Variants in STK3 observed in about 807,000 individuals in gnomAD.
The protein encoded by STK3 is serine/threonine kinase 3.
Under a neutral mutation model 58.0 loss-of-function variants are expected in STK3, and 41 were observed. The ratio of observed to expected loss-of-function variants is 0.71; its 90% CI spans 0.55 to 0.92. STK3 has a LOEUF of 0.92. Among genes scored for constraint, STK3 ranks in the 40% least tolerant of loss-of-function variants. The probability of loss-of-function intolerance (pLI) is 0.00; values close to 1 mark genes in which losing one functional copy is unlikely to be tolerated. For missense variants in STK3, 479 were observed against 602.7 expected (o/e 0.79, Z 2.15); for synonymous variants, 170 against 191.0 (o/e 0.89, Z 0.91).
chr8:98,360,121 C>T, the STK3 span, among the ~76,000 whole-genome samples: 1 of 152,222 alleles, frequency 6.6e-6, no homozygotes, highest in Non-Finnish European at 1.5e-5. Context: ...ATGGTTTTTA[C>T]TTACCTTCGG....
chr8:98,718,868 T>C (rs535790669), intron 4 of STK3, among the ~76,000 whole-genome samples: 10 of 152,282 alleles, frequency 6.6e-5, no homozygotes, highest in African/African-American at 2.4e-4. Context: ...TAAAATTACA[T>C]GTGGCTTGTG....
intron 4 of STK3, among the ~76,000 whole-genome samples, chr8:98,748,689 T>C (rs1278167948): frequency 1.3e-5 from 2 of 152,158 alleles, no homozygotes; most frequent in East Asian, 1.9e-4. Flanking sequence ...GTAAACAATT[T>C]TGTAAATAGC....
intron 1 of STK3, among the ~76,000 whole-genome samples, chr8:98,778,010 A>G (rs1456681190): frequency 6.6e-6 from 1 of 152,354 alleles, no homozygotes; most frequent in South Asian, 2.1e-4. Context: ...AATGGCAACG[A>G]AAGCCAAAAT....
At chr8:98,521,605 T>G (rs1825366737) in intron 10 of STK3, among the ~76,000 whole-genome samples, 1 of 152,152 alleles carries the variant, frequency 6.6e-6, no homozygotes, top group Non-Finnish European at 1.5e-5. Context: ...CCACTGTCTA[T>G]TAAATAAATA....
At chr8:98,792,898 G>GTA (rs1045041669) in intron 1 of STK3, among the ~76,000 whole-genome samples, 5 of 140,306 alleles carry the variant, frequency 3.6e-5, no homozygotes, top group Non-Finnish European at 7.7e-5. Context: ...GAGACTGTAT[G>GTA]TGTGTGTGTG....
downstream of STK3, among the ~76,000 whole-genome samples, chr8:98,370,327 C>A (rs1352838547): frequency 6.8e-6 from 1 of 147,436 alleles, no homozygotes; most frequent in East Asian, 2.0e-4. Context: ...ACTCCACAGA[C>A]CCCCTGACCT....
intron 8 of STK3, among the ~76,000 whole-genome samples, chr8:98,569,519 T>G (rs1270967361): frequency 6.6e-6 from 1 of 151,302 alleles, no homozygotes; most frequent in Non-Finnish European, 1.5e-5. Flanking sequence ...AAATTGTGTT[T>G]GAACATACAC....
At chr8:98,563,306 C>T (rs936343485) in intron 8 of STK3, among the ~76,000 whole-genome samples, 2 of 152,038 alleles carry the variant, frequency 1.3e-5, no homozygotes, top group Admixed American at 1.3e-4. Flanking sequence ...AGGTTATAAA[C>T]AAGCAAGAGG....
intron 9 of STK3, among the ~76,000 whole-genome samples, chr8:98,529,860 G>C (rs1826037076): frequency 6.6e-6 from 1 of 152,184 alleles, no homozygotes; most frequent in Non-Finnish European, 1.5e-5. Flanking sequence ...GTGGTTGCTA[G>C]GGACTAAGAG....
At chr8:98,778,058 A>G (rs1330416335) in intron 1 of STK3, among the ~76,000 whole-genome samples, 4 of 152,228 alleles carry the variant, frequency 2.6e-5, no homozygotes, top group Non-Finnish European at 5.9e-5. Context: ...GAGCTTCTGC[A>G]CAGCAAAAGA....
At chr8:98,690,449 C>CA (rs34742964) in intron 6 of STK3, among the ~76,000 whole-genome samples, 41,475 of 108,502 alleles carry the variant, frequency 0.38, 6,674 homozygotes, top group Admixed American at 0.49. Context: ...CAATTCCTAC[C>CA]AAAAAAAAAA....
chr8:98,690,495 T>TGAA (rs1444842326), intron 6 of STK3, among the ~76,000 whole-genome samples: 1 of 137,684 alleles, frequency 7.3e-6, no homozygotes, highest in African/African-American at 2.7e-5. Flanking sequence ...ACCAAGGAGG[T>TGAA]GAAGGATCTC....
chr8:98,567,075 A>C (rs1812538270), intron 8 of STK3, among the ~76,000 whole-genome samples: 1 of 152,230 alleles, frequency 6.6e-6, no homozygotes, highest in African/African-American at 2.4e-5. Flanking sequence ...ACCTTGACTT[A>C]ACAGATACAC....
At chr8:98,866,365 A>G (rs556420524) in intron 3 of STK3, among the ~76,000 whole-genome samples, 2 of 152,162 alleles carry the variant, frequency 1.3e-5, no homozygotes, top group African/African-American at 4.8e-5. Context: ...TGACTGCTTA[A>G]TGTAGTCTAG....
intron 1 of STK3, among the ~76,000 whole-genome samples, chr8:98,445,289 G>A (rs369369508): frequency 3.3e-5 from 5 of 151,980 alleles, no homozygotes; most frequent in African/African-American, 4.8e-5. Context: ...TGATGGATGC[G>A]TTTAGCTAAT....
At chr8:98,751,290 A>C (rs1300947569) in intron 3 of STK3, among the ~76,000 whole-genome samples, 1 of 152,220 alleles carries the variant, frequency 6.6e-6, no homozygotes, top group Non-Finnish European at 1.5e-5. Context: ...AAGGTCATCC[A>C]AATAGGAAGA....
At chr8:98,673,816 T>A (rs1204302302) in intron 6 of STK3, among the ~76,000 whole-genome samples, 1 of 152,114 alleles carries the variant, frequency 6.6e-6, no homozygotes, top group Non-Finnish European at 1.5e-5. Context: ...ATTAACACCA[T>A]CCAAAAAAAT....
chr8:98,812,698 A>G (rs994177219), intron 1 of STK3, among the ~76,000 whole-genome samples: 2 of 152,250 alleles, frequency 1.3e-5, no homozygotes, highest in Admixed American at 6.5e-5. Context: ...ATGGAATACT[A>G]TGCAGCCATA....
chr8:98,644,985 C>T (rs891261517), intron 6 of STK3, among the ~76,000 whole-genome samples: 3 of 152,140 alleles, frequency 2.0e-5, no homozygotes, highest in African/African-American at 7.2e-5. Context: ...TGTGTGCCTC[C>T]GTGGTTAAGA....
Sources: allele counts gnomAD v4.1 joint callset (sites outside exome capture counted in the v4.1 genomes callset), GRCh38; gene constraint gnomAD v4.1.1; transcripts MANE v1.5; gene names NCBI Gene and HGNC (gene_info 2026-07-23, HGNC 2026-07-21).